The following LRRN1 variants were observed in gnomAD, a reference collection of about 807,000 sequenced individuals.
The protein encoded by LRRN1 is leucine-rich repeat neuronal protein 1.
LRRN1 carries 14 observed loss-of-function variants against 45.8 expected under a neutral mutation model. That is an observed-to-expected ratio of 0.31 (90% CI 0.20 to 0.48). The LOEUF is 0.48. Among genes scored for constraint, LRRN1 ranks in the 20% least tolerant of loss-of-function variants. The pLI is 0.99. For missense variants in LRRN1, 789 were observed against 874.2 expected, an observed-to-expected ratio of 0.90 and a Z score of 1.23; for synonymous variants, 359 against 330.1, an observed-to-expected ratio of 1.09 and a Z score of -0.95.
At chr3:3,832,804 T>C (rs181065087) in intron 1 of LRRN1, among the ~76,000 whole-genome samples, 8 of 152,338 alleles carry the variant, frequency 5.3e-5, no homozygotes, top group Admixed American at 4.6e-4. Flanking sequence ...CCATGTGACC[T>C]AGAAGTTTTC....
chr3:3,828,989 T>TTA, intron 1 of LRRN1, among the ~76,000 whole-genome samples: 1 of 128,478 alleles, frequency 7.8e-6, no homozygotes, highest in African/African-American at 3.4e-5. Flanking sequence ...TTTCTTTTCT[T>TTA]TCTTTTTTTT....
chr3:3,842,862 A>C (rs1024528103), intron 1 of LRRN1, among the ~76,000 whole-genome samples: 12 of 152,246 alleles, frequency 7.9e-5, no homozygotes, highest in African/African-American at 2.9e-4. Context: ...ATTGGAATGC[A>C]GAAAAAATGG....
intron 1 of LRRN1, among the ~76,000 whole-genome samples, chr3:3,803,694 C>G (rs185331842): frequency 9.2e-5 from 14 of 152,188 alleles, no homozygotes; most frequent in Admixed American, 7.8e-4. Context: ...TGGATGAAGT[C>G]AGAAAAACAT....
chr3:3,835,746 GAC>G (rs1212989099), intron 1 of LRRN1, among the ~76,000 whole-genome samples: 1 of 151,992 alleles, frequency 6.6e-6, no homozygotes, highest in Non-Finnish European at 1.5e-5. Flanking sequence ...TATCCTATCT[GAC>G]ACAATGCTAT....
intron 1 of LRRN1, among the ~76,000 whole-genome samples, chr3:3,817,454 G>C (rs1283560606): frequency 6.6e-6 from 1 of 152,182 alleles, no homozygotes; most frequent in Non-Finnish European, 1.5e-5. Context: ...AAACACTGCT[G>C]TCTTTAACCT....
intron 1 of LRRN1, among the ~76,000 whole-genome samples, chr3:3,835,872 A>G (rs989321030): frequency 6.6e-6 from 1 of 152,102 alleles, no homozygotes; most frequent in Non-Finnish European, 1.5e-5. Flanking sequence ...TTGGAAAAAA[A>G]AAAAGAAGCA....
intron 1 of LRRN1, among the ~76,000 whole-genome samples, chr3:3,836,350 C>T (rs1260919866): frequency 6.6e-6 from 1 of 152,136 alleles, no homozygotes; most frequent in Non-Finnish European, 1.5e-5. Flanking sequence ...ACACTAATTC[C>T]CTCTACCTCC....
intron 1 of LRRN1, chr3:3,827,324 G>C (rs1488281997): frequency 5.8e-6 from 2 of 342,964 alleles, no homozygotes. Flanking sequence ...TCTTGTTTCA[G>C]ACATCTGAAA....
intron 1 of LRRN1, among the ~76,000 whole-genome samples, chr3:3,801,902 C>A (rs901808257): frequency 1.3e-5 from 2 of 152,224 alleles, no homozygotes; most frequent in Non-Finnish European, 2.9e-5. Flanking sequence ...GACCCCTCAA[C>A]TTTTCGAGTT....
At chr3:3,834,936 A>T (rs1043581321) in intron 1 of LRRN1, among the ~76,000 whole-genome samples, 4 of 152,216 alleles carry the variant, frequency 2.6e-5, no homozygotes, top group South Asian at 2.1e-4. Context: ...CCTCACAGAC[A>T]CAACCGGGGT....
chr3:3,825,089 C>A (rs1019209344), intron 1 of LRRN1, among the ~76,000 whole-genome samples: 2 of 152,200 alleles, frequency 1.3e-5, no homozygotes, highest in African/African-American at 4.8e-5. Context: ...AGACACCTTC[C>A]TGGGTTTGGA....
At position 3,817,772 on chromosome 3, in the gene LRRN1, A is replaced by G. The variant is rs1003168969; in HGVS notation, c.-279+17853A>G. ...TTACTACTGGTTTAAAAAATATAAC[A>G]AAAGACAGCGCAGAGCTCTAGATGA... On this transcript the variant is annotated intron_variant, in intron 1 of 1. Transcript: ENST00000319331. 6.6e-5 allele frequency among the ~76,000 whole-genome samples: 10 copies of G among 152,268 alleles called. 1 individual carries two copies. The highest frequency in any genetic ancestry group is 3.9e-4 in the East Asian group (2 of 5,188).
chr3:3,801,894 C>G (rs17037089), intron 1 of LRRN1, among the ~76,000 whole-genome samples: 3,532 of 152,300 alleles, frequency 0.023, 135 homozygotes, highest in African/African-American at 0.079. Flanking sequence ...TCTGAATTGA[C>G]CCCTCAACTT....
chr3:3,826,236 G>A (rs1248308400), intron 1 of LRRN1, among the ~76,000 whole-genome samples: 2 of 152,140 alleles, frequency 1.3e-5, no homozygotes, highest in Admixed American at 6.5e-5. Flanking sequence ...GGAAGAGAAA[G>A]GGAGGGAGGA....
intron 1 of LRRN1, among the ~76,000 whole-genome samples, chr3:3,811,200 A>C (rs1438277426): frequency 6.6e-6 from 1 of 152,220 alleles, no homozygotes; most frequent in Non-Finnish European, 1.5e-5. Flanking sequence ...GATCTTGCCC[A>C]GTATCGTACA....
chr3:3,849,833 CAT>C (rs975841521), exon 2 of LRRN1, among the ~76,000 whole-genome samples: 30 of 152,208 alleles, frequency 2.0e-4, no homozygotes, highest in African/African-American at 7.0e-4. Flanking sequence ...TATTTTCTCT[CAT>C]GTGGTTTCTA....
rs370011667 is a variant in LRRN1, at chr3:3,844,863, A to T, written c.222A>T (p.Thr74=). 6.2e-7 allele frequency: 1 copy of T among 1,614,054 alleles called. No individual in the cohort carries two copies. Among genetic ancestry groups the T allele is most frequent in the Non-Finnish European group, 8.5e-7 (1 of 1,180,014 alleles). ...TTCCCAGTAACCTCTCTAGTGACAC[A>T]CAAGTGCTTCTCTTACAGAGCAATA... ...TRIPSNLSSD[T]QVLLLQSNNI... The change falls in exon 2 of 2, where the codon ACA becomes ACT. Residue 74 remains threonine (T), a synonymous_variant. Transcript: ENST00000319331.
chr3:3,804,899 T>G (rs956823504), intron 1 of LRRN1, among the ~76,000 whole-genome samples: 3 of 152,204 alleles, frequency 2.0e-5, no homozygotes, highest in African/African-American at 7.2e-5. Flanking sequence ...AGTCTGCCAT[T>G]GTATTCCGGA....
chr3:3,805,238 T>TA (rs1229731840), intron 1 of LRRN1, among the ~76,000 whole-genome samples: 1 of 152,114 alleles, frequency 6.6e-6, no homozygotes, highest in Admixed American at 6.5e-5. Flanking sequence ...TTAGAAAAAC[T>TA]AAAAAAGCTT....
Sources: gnomAD v4.1 joint callset for allele counts (sites outside exome capture counted in the v4.1 genomes callset) on GRCh38, gnomAD v4.1.1 for gene constraint, MANE v1.5 for transcripts, NCBI Gene and HGNC (gene_info 2026-07-23, HGNC 2026-07-21) for gene names.